The following MCTP1 variants were observed in gnomAD, a reference collection of about 807,000 sequenced individuals.
MCTP1 encodes the protein multiple C2 and transmembrane domain containing 1.
A neutral mutation model predicts 120.6 loss-of-function variants in MCTP1; 69 were observed. That is an observed-to-expected ratio of 0.57 (90% CI 0.47 to 0.70). The LOEUF (loss-of-function observed/expected upper bound fraction) is 0.70. MCTP1 is among the 30% of genes least tolerant of loss of function. MCTP1 has a pLI of 0.00. For missense variants in MCTP1, 1,203 were observed against 1,248.8 expected, an observed-to-expected ratio of 0.96 and a Z score of 0.55; for synonymous variants, 529 against 493.1, an observed-to-expected ratio of 1.07 and a Z score of -0.96.
intron 17 of MCTP1, among the ~76,000 whole-genome samples, chr5:94,806,536 T>G (rs1006153508): frequency 5.1e-4 from 77 of 152,320 alleles, no homozygotes; most frequent in Non-Finnish European, 1.0e-4. Flanking sequence ...GCCATTCACA[T>G]CATCCCATCA....
chr5:95,252,440 T>C (rs940323495), intron 1 of MCTP1, among the ~76,000 whole-genome samples: 1 of 152,156 alleles, frequency 6.6e-6, no homozygotes, highest in African/African-American at 2.4e-5. Flanking sequence ...ACCAGAGCCT[T>C]ATTTAGTTTT....
intron 1 of MCTP1, among the ~76,000 whole-genome samples, chr5:95,120,654 T>C (rs1251940874): frequency 6.6e-6 from 1 of 152,052 alleles, no homozygotes; most frequent in Non-Finnish European, 1.5e-5. Context: ...ACAAAAACTC[T>C]CAAAAACCTG....
intron 17 of MCTP1, among the ~76,000 whole-genome samples, chr5:94,806,690 A>G (rs985093321): frequency 7.9e-5 from 12 of 152,254 alleles, no homozygotes; most frequent in African/African-American, 2.4e-4. Flanking sequence ...TTTGCAAACT[A>G]CAGTATATTT....
chr5:94,785,625 C>G (rs1032397616), intron 18 of MCTP1, among the ~76,000 whole-genome samples: 1 of 151,930 alleles, frequency 6.6e-6, no homozygotes, highest in East Asian at 1.9e-4. Context: ...TAACAGAGTA[C>G]AAATAAAAAA....
intron 1 of MCTP1, among the ~76,000 whole-genome samples, chr5:95,077,435 T>C (rs2152294608): frequency 1.3e-5 from 2 of 152,274 alleles, no homozygotes; most frequent in Non-Finnish European, 2.9e-5. Flanking sequence ...CACATTTAGC[T>C]TTTGAATCAA....
intron 1 of MCTP1, among the ~76,000 whole-genome samples, chr5:95,095,386 G>A (rs1035237640): frequency 2.6e-5 from 4 of 152,086 alleles, no homozygotes; most frequent in Non-Finnish European, 5.9e-5. Flanking sequence ...TAAACAGAGG[G>A]CATTTTTTAT....
rs537613084 is a variant in MCTP1 at position 95,139,518 on chromosome 5, T to C, written c.721-122034A>G. Among the ~76,000 whole-genome samples, 5 of 152,272 alleles carry C rather than the reference T, an allele frequency of 3.3e-5. No individual in the cohort carries two copies. In the East Asian group the frequency reaches 7.7e-4, roughly 23 times the overall value. On this transcript the variant is annotated intron_variant, in intron 1 of 22. Transcript: ENST00000515393. Reference sequence around the variant, plus strand: ...GAGCTTCTTTTTTTACATTTTCCCCTTTTTTTCCAAAGCTATTTTAGCCAA... The same window carrying C: ...GAGCTTCTTTTTTTACATTTTCCCCCTTTTTTCCAAAGCTATTTTAGCCAA...
At chr5:95,137,245 G>A (rs115045147) in intron 1 of MCTP1, among the ~76,000 whole-genome samples, 1,654 of 152,324 alleles carry the variant, frequency 0.011, 32 homozygotes, top group African/African-American at 0.037. Flanking sequence ...TAGTGATGAA[G>A]AGGATAGATT....
At chr5:94,760,739 C>T (rs569740437) in intron 19 of MCTP1, among the ~76,000 whole-genome samples, 4 of 151,684 alleles carry the variant, frequency 2.6e-5, no homozygotes, top group African/African-American at 2.4e-5. Flanking sequence ...AGGCTGAGTG[C>T]AGTGGCACGA....
intron 19 of MCTP1, among the ~76,000 whole-genome samples, chr5:94,720,341 G>T (rs1760603138): frequency 6.6e-6 from 1 of 151,736 alleles, no homozygotes; most frequent in African/African-American, 2.4e-5. Context: ...AATTTAAAAG[G>T]CTAAGTGGGA....
At chr5:95,181,269 T>C (rs1466825612) in intron 1 of MCTP1, among the ~76,000 whole-genome samples, 2 of 152,244 alleles carry the variant, frequency 1.3e-5, no homozygotes, top group Non-Finnish European at 2.9e-5. Flanking sequence ...CTGTCCTCTT[T>C]GTGCTTCTCC....
intron 1 of MCTP1, among the ~76,000 whole-genome samples, chr5:95,198,698 C>T (rs1190976105): frequency 2.6e-5 from 4 of 152,126 alleles, no homozygotes; most frequent in Non-Finnish European, 4.4e-5. Flanking sequence ...ATTAATTTCA[C>T]GGGTCTCCAA....
At chr5:94,870,812 C>T in intron 15 of MCTP1, 60 bp downstream of exon 15, 1 of 1,160,014 alleles carries the variant, frequency 8.6e-7, no homozygotes, top group Non-Finnish European at 1.3e-6. Context: ...AAATCAGGAA[C>T]AAAAGCTTTC....
chr5:95,171,952 G>A (rs114953728), intron 1 of MCTP1, among the ~76,000 whole-genome samples: 346 of 152,310 alleles, frequency 2.3e-3, no homozygotes, highest in African/African-American at 8.0e-3. Flanking sequence ...TTGCTGGAGA[G>A]GAGCTGCGTT....
chr5:94,858,543 C>A (rs985169960), intron 17 of MCTP1, among the ~76,000 whole-genome samples: 3 of 151,708 alleles, frequency 2.0e-5, no homozygotes, highest in African/African-American at 7.3e-5. Flanking sequence ...TGGAATTCTA[C>A]AGGACAATGT....
chr5:94,825,949 A>G, intron 17 of MCTP1: 1 of 218,944 alleles, frequency 4.6e-6, no homozygotes, highest in Non-Finnish European at 9.4e-6. Flanking sequence ...TAATCATGGT[A>G]GGCAACTTAG....
intron 19 of MCTP1, among the ~76,000 whole-genome samples, chr5:94,717,118 C>T (rs1176667261): frequency 6.6e-6 from 1 of 152,040 alleles, no homozygotes; most frequent in African/African-American, 2.4e-5. Context: ...TTAATATGTG[C>T]CTCAAATAGC....
intron 1 of MCTP1, among the ~76,000 whole-genome samples, chr5:95,177,374 C>T (rs151024045): frequency 1.4e-4 from 21 of 152,204 alleles, no homozygotes; most frequent in African/African-American, 4.8e-4. Flanking sequence ...TCTGAAAGTC[C>T]ATCTAAGATT....
At chr5:94,869,540 T>C (rs1225386233) in intron 16 of MCTP1, among the ~76,000 whole-genome samples, 1 of 152,082 alleles carries the variant, frequency 6.6e-6, no homozygotes, top group Non-Finnish European at 1.5e-5. Context: ...TCTACTTAGA[T>C]ATTGCATTTG....
Sources: allele counts gnomAD v4.1 joint callset (sites outside exome capture counted in the v4.1 genomes callset), GRCh38; gene constraint gnomAD v4.1.1; transcripts MANE v1.5; gene names NCBI Gene and HGNC (gene_info 2026-07-23, HGNC 2026-07-21).